Variants in DSG4 observed in about 807,000 individuals in gnomAD.
DSG4 encodes the protein desmoglein 4.
A neutral mutation model predicts 93.1 loss-of-function variants in DSG4; 87 were observed. The ratio of observed to expected loss-of-function variants is 0.93; its 90% confidence interval spans 0.79 to 1.12. The LOEUF (loss-of-function observed/expected upper bound fraction) is 1.12, where lower values mean the gene tolerates loss of function less well. Ranked by LOEUF, DSG4 falls within the 50% of genes most tolerant of loss-of-function variation. The pLI is 0.00. For synonymous variants in DSG4, 432 were observed against 452.9 expected (o/e 0.95, Z 0.59); for missense variants, 1,373 against 1,285.7 (o/e 1.07, Z -1.04).
chr18:31,405,208 T>C (rs553754593), intron 11 of DSG4, among the ~76,000 whole-genome samples: 49 of 152,334 alleles, frequency 3.2e-4, no homozygotes, highest in African/African-American at 1.1e-3. Context: ...CAACACTCCT[T>C]GTATTAATAA....
At chr18:31,403,879 T>C (rs1339275274) in intron 11 of DSG4, among the ~76,000 whole-genome samples, 1 of 152,162 alleles carries the variant, frequency 6.6e-6, no homozygotes, top group Non-Finnish European at 1.5e-5. Flanking sequence ...TAAATACCAG[T>C]TTACCCATCA....
In DSG4 at chr18:31,414,471, A is replaced by C. The variant is rs759285851; in HGVS notation, c.*876A>C. ...AATTGGCAACCAGATATTCTCCAAA[A>C]GCACTCTGTAGTTATTCATATATTC... On this transcript the variant is annotated 3_prime_UTR_variant, in exon 16 of 16. Transcript: ENST00000308128. The C allele has an allele frequency of 4.6e-5, 7 of 152,214 alleles. No homozygotes were observed. The highest frequency in any genetic ancestry group is 7.3e-5 in the Non-Finnish European group (5 of 68,040). 9.4% of individuals were successfully genotyped at this position (152,214 alleles called of 1,614,324 possible).
In DSG4 at chr18:31,411,439, C is replaced by T; in HGVS notation, c.2346C>T (p.Tyr782=). 3 of 1,613,832 alleles carry T rather than the reference C, an allele frequency of 1.9e-6. No individual in the cohort carries two copies. In the Middle Eastern group the frequency reaches 4.9e-4, roughly 266 times the overall value. Residue 782 remains tyrosine, a synonymous_variant, in exon 15 of 16, where the codon TAC becomes TAT. Coordinates refer to ENST00000308128, the MANE Select transcript of DSG4 (RefSeq NM_177986.5). ...ADINMAFLDS[Y]FSEKAYAYAD... ...TCAACATGGCTTTCTTGGACAGCTACTTCTCGGAGGTAATGCCCTCACAGT... is the reference window on the plus strand; with the variant it reads ...TCAACATGGCTTTCTTGGACAGCTATTTCTCGGAGGTAATGCCCTCACAGT...
At chr18:31,396,354 C>CTTTTTT (rs71383035) in intron 8 of DSG4, among the ~76,000 whole-genome samples, 1 of 74,008 alleles carries the variant, frequency 1.4e-5, no homozygotes. Context: ...AGGGTCATTG[C>CTTTTTT]TTTTTTTTTT....
chr18:31,406,098 C>G lies in DSG4; in HGVS notation c.1658C>G (p.Ala553Gly). Residue 553 changes from alanine (A) to glycine (G), a missense_variant, in exon 12 of 16, where the codon GCT (alanine) becomes GGT (glycine). Transcript: ENST00000308128. ...STNATSAILT[A>G]KQVLSPGFYE... ...TCAGCTACCTCGGCAATCCTTACGG[C>G]TAAGCAGGTTTTATCTCCAGGATTT... The G allele has an allele frequency of 6.2e-7, 1 of 1,614,106 alleles. No individual in the cohort carries two copies. Among genetic ancestry groups the G allele is most frequent in the Non-Finnish European group, 8.5e-7 (1 of 1,180,028 alleles).
chr18:31,380,684 T>C (rs945603693), intron 1 of DSG4, among the ~76,000 whole-genome samples: 7 of 152,226 alleles, frequency 4.6e-5, no homozygotes, highest in Admixed American at 6.5e-5. Flanking sequence ...CAATTATTAT[T>C]ATAAGCGTTA....
chr18:31,377,062 T>A, intron 1 of DSG4, 103 bp downstream of exon 1: 1 of 1,265,234 alleles, frequency 7.9e-7, no homozygotes, highest in South Asian at 1.3e-5. Context: ...TTTAATCTCC[T>A]TCCTGCAAAG....
intron 12 of DSG4, among the ~76,000 whole-genome samples, chr18:31,406,727 A>C (rs2144210336): frequency 6.6e-6 from 1 of 152,308 alleles, no homozygotes; most frequent in South Asian, 2.1e-4. Context: ...ATCTTTTGGA[A>C]AAGTGGATTT....
chr18:31,400,369 C>A (rs1167820902), intron 9 of DSG4, among the ~76,000 whole-genome samples: 1 of 152,108 alleles, frequency 6.6e-6, no homozygotes, highest in Non-Finnish European at 1.5e-5. Context: ...CTGGTAGAGA[C>A]CAGATCTTCT....
chr18:31,412,565 A>C (rs895086408), intron 15 of DSG4, among the ~76,000 whole-genome samples: 4 of 152,246 alleles, frequency 2.6e-5, no homozygotes, highest in Non-Finnish European at 4.4e-5. Flanking sequence ...CCATCTGTTC[A>C]TACATGAATT....
rs955252103 is a variant in DSG4 at position 31,388,870 on chromosome 18, A to G, written c.373-4A>G. Reference sequence around the variant, plus strand: ...AAAGATGGCTTTTTTCCAATTTTCCACAGATCTATTGCCGGGCTCTGAATT... The same window carrying G: ...AAAGATGGCTTTTTTCCAATTTTCCGCAGATCTATTGCCGGGCTCTGAATT... On this transcript the variant is annotated splice_region_variant and splice_polypyrimidine_tract_variant and intron_variant, in intron 4 of 15. Transcript: ENST00000308128. 6.2e-7 allele frequency: 1 copy of G among 1,613,552 alleles called. No homozygotes were observed. The highest frequency in any genetic ancestry group is 8.5e-7 in the Non-Finnish European group (1 of 1,179,578).
intron 12 of DSG4, among the ~76,000 whole-genome samples, chr18:31,408,460 G>A (rs1244646441): frequency 1.3e-5 from 2 of 152,220 alleles, no homozygotes; most frequent in African/African-American, 4.8e-5. Context: ...ACTGTTCATA[G>A]TGCAGATGGC....
chr18:31,413,446 A>T lies in DSG4; in HGVS notation c.2974A>T (p.Ser992Cys). 6.2e-7 allele frequency: 1 copy of T among 1,612,626 alleles called. No individual in the cohort carries two copies. The highest frequency in any genetic ancestry group is 8.5e-7 in the Non-Finnish European group (1 of 1,178,736). Reference protein sequence around the residue: ...TTEGCMGPVMSGNILVGPEIQ... With the variant: ...TTEGCMGPVMCGNILVGPEIQ... The stretch of plus-strand genomic sequence containing the variant: ...TGAGGGTTGTATGGGACCTGTGATG[A>T]GCGGCAATATTTTAGTAGGGCCAGA... Residue 992 changes from serine (S) to cysteine (C), a missense_variant, in exon 16 of 16, where the codon AGC becomes TGC. Transcript: ENST00000308128.
At chr18:31,380,690 C>T (rs1042378416) in intron 1 of DSG4, among the ~76,000 whole-genome samples, 2 of 152,092 alleles carry the variant, frequency 1.3e-5, no homozygotes, top group African/African-American at 4.8e-5. Flanking sequence ...TTATTATAAG[C>T]GTTATTCAGG....
chr18:31,382,556 T>C (rs1352923574), intron 1 of DSG4: 1 of 152,292 alleles, frequency 6.6e-6, no homozygotes, highest in African/African-American at 2.4e-5. Flanking sequence ...AGGAGGCTGA[T>C]GTCATTCCAT....
rs2144227495 is a variant in DSG4, at chr18:31,414,905, G to A, written c.*1310G>A. On this transcript the variant is annotated 3_prime_UTR_variant, in exon 16 of 16. Coordinates refer to ENST00000308128, the MANE Select transcript of DSG4 (RefSeq NM_177986.5). ...TTTTCAAGGCTTAATCCTTTTGAAA[G>A]GAAATAATTGTAGTGTTTCTTGCCT... 1 of 152,276 alleles carries A rather than the reference G, an allele frequency of 6.6e-6. No homozygotes were observed. The highest frequency in any genetic ancestry group is 2.1e-4 in the South Asian group (1 of 4,826). 9.4% of individuals were successfully genotyped at this position (152,276 alleles called of 1,614,324 possible).
chr18:31,401,015 T>C lies in DSG4; in HGVS notation c.1412T>C (p.Ile471Thr), dbSNP rs751284984. Residue 471 changes from isoleucine to threonine, a missense_variant, in exon 10 of 16, where the codon ATA becomes ACA. By Grantham distance (89) the Ile-to-Thr change is moderately conservative. Transcript: ENST00000308128. Reference sequence around the variant, plus strand: ...ATATACACAGCAGAGATCCTGGCTATAGATGGTAAGAAAATTTATTTTCAG... The same window carrying C: ...ATATACACAGCAGAGATCCTGGCTACAGATGGTAAGAAAATTTATTTTCAG... ...NGIYTAEILA[I>T]DDGSGKTATG... 8.8e-6 allele frequency: 14 copies of C among 1,595,796 alleles called. No individual in the cohort carries two copies. In the East Asian group the frequency reaches 2.2e-4, roughly 26 times the overall value.
chr18:31,398,903 A>G (rs934071338), intron 8 of DSG4, among the ~76,000 whole-genome samples: 1 of 152,182 alleles, frequency 6.6e-6, no homozygotes, highest in African/African-American at 2.4e-5. Flanking sequence ...GGTACTATTT[A>G]TTTATTCATT....
Position 31,390,832 on chromosome 18 carries a change from T to C in DSG4, c.684+10T>C. ...TTTCTTGGACAGAGAGGTAAAGCCT[T>C]CTGTGAATGAACAAGAACTAAAAAA... is the stretch of plus-strand genomic sequence containing the variant. On this transcript the variant is annotated intron_variant, in intron 6 of 15. Coordinates refer to ENST00000308128, the MANE Select transcript of DSG4 (RefSeq NM_177986.5). 1 of 1,612,800 alleles carries C rather than the reference T, an allele frequency of 6.2e-7. No homozygotes were observed. Among genetic ancestry groups the C allele is most frequent in the East Asian group, 2.2e-5 (1 of 44,806 alleles).
Sources: allele counts gnomAD v4.1 joint callset (sites outside exome capture counted in the v4.1 genomes callset), GRCh38; gene constraint gnomAD v4.1.1; transcripts MANE v1.5; gene names NCBI Gene and HGNC (gene_info 2026-07-23, HGNC 2026-07-21).